RPGRIP1: variants seen among roughly 807,000 people sequenced by gnomAD.
The protein encoded by RPGRIP1 is RPGR interacting protein 1, also known as X-linked retinitis pigmentosa GTPase regulator-interacting protein 1.
Under a neutral mutation model 157.9 loss-of-function variants are expected in RPGRIP1, and 128 were observed. The observed-to-expected ratio is 0.81, with a 90% CI of 0.70 to 0.94. The LOEUF (loss-of-function observed/expected upper bound fraction) is 0.94, where lower values mean the gene tolerates loss of function less well. Ranked by LOEUF, RPGRIP1 falls within the 40% of genes least tolerant of loss-of-function variation. The pLI, the probability that RPGRIP1 is intolerant of heterozygous loss-of-function variation, is 0.00. For synonymous variants in RPGRIP1, 554 were observed against 571.6 expected (o/e 0.97, Z 0.44); for missense variants, 1,486 against 1,545.8 (o/e 0.96, Z 0.65).
chr14:21,297,877 C>CTTTCTTTCTTTCTTTCTTT (rs1555365066), intron 3 of RPGRIP1, among the ~76,000 whole-genome samples: 1 of 150,056 alleles, frequency 6.7e-6, no homozygotes, highest in Non-Finnish European at 1.5e-5. Flanking sequence ...TTCTTTCTTT[C>CTTTCTTTCTTTCTTTCTTT]TTTTTTTTGA....
chr14:21,299,772 AC>A (rs1880945092), intron 3 of RPGRIP1, among the ~76,000 whole-genome samples: 1 of 152,192 alleles, frequency 6.6e-6, no homozygotes, highest in African/African-American at 2.4e-5. Context: ...ATAACAAAAT[AC>A]CACGGACTGG....
intron 3 of RPGRIP1, among the ~76,000 whole-genome samples, chr14:21,300,643 A>G (rs1211464254): frequency 6.6e-6 from 1 of 151,778 alleles, no homozygotes; most frequent in African/African-American, 2.4e-5. Context: ...TTATTAGTAC[A>G]AAAACAAGTC....
intron 6 of RPGRIP1, 150 bp from the exon 7 acceptor site, chr14:21,307,581 G>C (rs998237745): frequency 1.7e-6 from 1 of 599,028 alleles, no homozygotes; most frequent in South Asian, 2.2e-5. Flanking sequence ...TTACTAGACT[G>C]TACATACACC....
intron 3 of RPGRIP1, among the ~76,000 whole-genome samples, chr14:21,296,781 C>T (rs1418598410): frequency 6.6e-6 from 1 of 151,534 alleles, no homozygotes; most frequent in Non-Finnish European, 1.5e-5. Flanking sequence ...ATGATGAAAC[C>T]CTGTCTCTAC....
At chr14:21,298,071 G>A (rs1880870939) in intron 3 of RPGRIP1, among the ~76,000 whole-genome samples, 1 of 152,020 alleles carries the variant, frequency 6.6e-6, no homozygotes. Context: ...AGAGAAGGAT[G>A]TTTGGTATTT....
chr14:21,321,465 C>T (rs751011413), intron 13 of RPGRIP1, 63 bp downstream of exon 13: 8 of 1,560,192 alleles, frequency 5.1e-6, no homozygotes, highest in Non-Finnish European at 6.9e-6. Flanking sequence ...ACTCACAGGA[C>T]TGGGAATGAA....
chr14:21,301,131 C>G lies in RPGRIP1; in HGVS notation c.384C>G (p.Phe128Leu). 1.2e-6 allele frequency: 2 copies of G among 1,602,912 alleles called. No individual in the cohort carries two copies. The highest frequency in any genetic ancestry group is 8.5e-7 in the Non-Finnish European group (1 of 1,174,832). Residue 128 changes from phenylalanine to leucine, a missense_variant, in exon 4 of 25, where the codon TTC becomes TTG. Phe to Leu is a conservative substitution (Grantham distance 22). Coordinates refer to ENST00000400017, the MANE Select transcript of RPGRIP1 (RefSeq NM_020366.4). ...AGATGCACCGACTGCAAGGGCATTT[C>G]CACTGCGTCGGCCCTGCCAGCCCCC... ...RPQMHRLQGH[F>L]HCVGPASPRR...
At chr14:21,289,888 G>C (rs2139135231) in intron 2 of RPGRIP1, among the ~76,000 whole-genome samples, 1 of 151,722 alleles carries the variant, frequency 6.6e-6, no homozygotes, top group South Asian at 2.1e-4. Flanking sequence ...ACAGATTCTT[G>C]CTTTGTCACC....
At chr14:21,331,573 G>T (rs1883796967) in intron 20 of RPGRIP1, among the ~76,000 whole-genome samples, 1 of 151,906 alleles carries the variant, frequency 6.6e-6, no homozygotes, top group Admixed American at 6.6e-5. Flanking sequence ...TTGAGTTTTT[G>T]GCACCCCTTC....
chr14:21,288,733 C>T (rs1028967346), intron 2 of RPGRIP1, among the ~76,000 whole-genome samples: 10 of 151,858 alleles, frequency 6.6e-5, no homozygotes, highest in Non-Finnish European at 4.4e-5. Flanking sequence ...AGGCTGATCT[C>T]GAACTCCTGA....
chr14:21,310,864 C>T, intron 8 of RPGRIP1: 1 of 670,890 alleles, frequency 1.5e-6, no homozygotes, highest in Non-Finnish European at 2.8e-6. Flanking sequence ...AAGCCTATTG[C>T]TGGAGCAAAT....
chr14:21,287,140 G>A (rs1738619817), intron 1 of RPGRIP1, among the ~76,000 whole-genome samples: 1 of 152,158 alleles, frequency 6.6e-6, no homozygotes, highest in African/African-American at 2.4e-5. Context: ...GCTCACGCCT[G>A]TAATCCCAAC....
At chr14:21,334,261 A>G (rs189708882) in intron 20 of RPGRIP1, among the ~76,000 whole-genome samples, 11 of 151,956 alleles carry the variant, frequency 7.2e-5, no homozygotes, top group Admixed American at 1.3e-4. Flanking sequence ...GCCCCACCCA[A>G]TTGCACAGCT....
rs777058053 is a variant in RPGRIP1 at position 21,317,776 on chromosome 14, C to G, written c.1232C>G (p.Ser411Cys). Residue 411 changes from serine to cysteine, a missense_variant, in exon 11 of 25, where the codon TCT becomes TGT. Transcript: ENST00000400017. ...LIAEQLQQQV[S>C]QLQDQLDAEL... is the part of the protein sequence containing the mutation. ...GCGGAACAGCTACAGCAGCAAGTCT[C>G]TCAGCTGCAGGATCAGCTGGATGCT... 6.2e-7 allele frequency: 1 copy of G among 1,600,012 alleles called. No homozygotes were observed. The highest frequency in any genetic ancestry group is 1.7e-5 in the Admixed American group (1 of 57,670).
chr14:21,292,734 C>T (rs1255705695), intron 2 of RPGRIP1, among the ~76,000 whole-genome samples: 1 of 151,482 alleles, frequency 6.6e-6, no homozygotes, highest in Non-Finnish European at 1.5e-5. Flanking sequence ...CCCAGCCATT[C>T]GAGAGGCTGA....
chr14:21,338,206 G>A (rs894278194), intron 21 of RPGRIP1, among the ~76,000 whole-genome samples: 8 of 152,056 alleles, frequency 5.3e-5, no homozygotes, highest in Non-Finnish European at 1.2e-4. Context: ...GTGAGCCACC[G>A]CTCCTGGCCT....
At position 21,325,820 on chromosome 14, in the gene RPGRIP1, CA is replaced by C; in HGVS notation, c.2368-10del. The C allele has an allele frequency of 1.9e-6, 3 of 1,600,024 alleles. No individual in the cohort carries two copies. The highest frequency in any genetic ancestry group is 3.3e-4 in the Middle Eastern group (2 of 6,018). ...GCCCTTTTCCTCAATCCATGACCAACATCTTTCCAGTTCAGATCGGAGTCTT... is the reference window on the plus strand; with the variant it reads ...GCCCTTTTCCTCAATCCATGACCAACTCTTTCCAGTTCAGATCGGAGTCTT... On this transcript the variant is annotated splice_polypyrimidine_tract_variant and intron_variant, in intron 16 of 24. Transcript: ENST00000400017.
intron 11 of RPGRIP1, chr14:21,318,232 A>T: frequency 2.3e-6 from 1 of 425,658 alleles, no homozygotes; most frequent in Non-Finnish European, 4.6e-6. Context: ...TCAGCCTCCC[A>T]AGTAGCTCGG....
chr14:21,323,375 C>G (rs560047109), intron 14 of RPGRIP1, among the ~76,000 whole-genome samples: 2 of 151,666 alleles, frequency 1.3e-5, no homozygotes, highest in South Asian at 4.2e-4. Context: ...GAGCCGAGAC[C>G]AGGCCATTGC....
Sources: allele counts gnomAD v4.1 joint callset (sites outside exome capture counted in the v4.1 genomes callset), GRCh38; gene constraint gnomAD v4.1.1; transcripts MANE v1.5; gene names NCBI Gene and HGNC (gene_info 2026-07-23, HGNC 2026-07-21).